Variants in BTBD2 observed in about 807,000 individuals in gnomAD.
BTBD2 encodes the protein BTB/POZ domain-containing protein 2.
In BTBD2, 15 loss-of-function variants were observed where a neutral mutation model predicts 44.0. That is an observed-to-expected ratio of 0.34 (90% confidence interval 0.23 to 0.53). BTBD2 has a LOEUF of 0.53. Ranked by LOEUF, BTBD2 falls within the 20% of genes least tolerant of loss-of-function variation. The pLI, the probability that BTBD2 is intolerant of heterozygous loss-of-function variation, is 0.95. For synonymous variants in BTBD2, 443 were observed against 335.9 expected (o/e 1.32, Z -3.49); for missense variants, 657 against 746.4 (o/e 0.88, Z 1.39).
chr19:1,996,855 G>C (rs1488448229), intron 2 of BTBD2, among the ~76,000 whole-genome samples: 1 of 151,648 alleles, frequency 6.6e-6, no homozygotes, highest in Non-Finnish European at 1.5e-5. Flanking sequence ...CTGGGCAACA[G>C]AGCAAGACCA....
intron 1 of BTBD2, among the ~76,000 whole-genome samples, chr19:2,004,177 G>GA (rs2016365113): frequency 7.0e-6 from 1 of 142,540 alleles, no homozygotes; most frequent in Non-Finnish European, 1.5e-5. Context: ...GATGTCTCAT[G>GA]TCCCCTAACA....
rs776156989 is a variant in BTBD2, at chr19:1,990,214, G to C, written c.791-13C>G. The C allele has an allele frequency of 1.9e-6, 3 of 1,581,600 alleles. No homozygotes were observed. The highest frequency in any genetic ancestry group is 2.6e-6 in the Non-Finnish European group (3 of 1,165,214). On this transcript the variant is annotated splice_polypyrimidine_tract_variant and intron_variant, in intron 4 of 8. Transcript: ENST00000255608. ...GCCACCAGCGTGTCTGTGGGGTGGA[G>C]GAAGGGGCTGCGTGAACACGACACC...
chr19:2,004,021 A>C (rs2016363160), intron 1 of BTBD2, among the ~76,000 whole-genome samples: 1 of 152,026 alleles, frequency 6.6e-6, no homozygotes, highest in South Asian at 2.1e-4. Flanking sequence ...ACCGAGATAA[A>C]TGCGTATCTG....
chr19:2,007,615 G>C (rs551322775), intron 1 of BTBD2, among the ~76,000 whole-genome samples: 97 of 152,260 alleles, frequency 6.4e-4, no homozygotes, highest in African/African-American at 2.3e-3. Flanking sequence ...GATAGCCTGA[G>C]GTCAGGAGTT....
chr19:2,015,079 G>C (rs1303097842), intron 1 of BTBD2, among the ~76,000 whole-genome samples: 1 of 150,098 alleles, frequency 6.7e-6, no homozygotes, highest in African/African-American at 2.5e-5. Context: ...GGACAGAGGG[G>C]TGCAGGGCCT....
intron 1 of BTBD2, among the ~76,000 whole-genome samples, chr19:2,006,100 A>T (rs558559355): frequency 6.6e-6 from 1 of 152,174 alleles, no homozygotes; most frequent in Admixed American, 6.5e-5. Flanking sequence ...AAAAAAAAAA[A>T]AAAAATTTAA....
rs1180983790 is a variant in BTBD2, at chr19:2,015,371, G to A, written c.333C>T (p.Phe111=). The A allele has an allele frequency of 1.1e-5, 18 of 1,584,708 alleles. No individual in the cohort carries two copies. The highest frequency in any genetic ancestry group is 1.3e-5 in the Non-Finnish European group (15 of 1,172,878). ...PTVQERFAFL[F]NNEVLCDVHF... Reference sequence around the variant, plus strand: ...GCACGTCGCACAGCACCTCGTTGTTGAAGAGGAAGGCGAAGCGCTCCTGCA... The same window carrying A: ...GCACGTCGCACAGCACCTCGTTGTTAAAGAGGAAGGCGAAGCGCTCCTGCA... Residue 111 remains phenylalanine (F), a synonymous_variant, in exon 1 of 9, where the codon TTC becomes TTT. Coordinates refer to ENST00000255608, the MANE Select transcript of BTBD2 (RefSeq NM_017797.4).
chr19:1,993,803 C>T (rs1201656886), intron 2 of BTBD2, among the ~76,000 whole-genome samples: 1 of 149,960 alleles, frequency 6.7e-6, no homozygotes, highest in Non-Finnish European at 1.5e-5. Flanking sequence ...GCCAGACCAG[C>T]CTGGCCAACA....
intron 1 of BTBD2, among the ~76,000 whole-genome samples, chr19:2,014,941 G>C (rs573230327): frequency 6.6e-6 from 1 of 151,676 alleles, no homozygotes; most frequent in South Asian, 2.1e-4. Flanking sequence ...TGGGGACAGA[G>C]AGGTGCAGAG....
At chr19:2,012,221 C>G (rs781358791) in intron 1 of BTBD2, among the ~76,000 whole-genome samples, 1 of 150,504 alleles carries the variant, frequency 6.6e-6, no homozygotes, top group Non-Finnish European at 1.5e-5. Context: ...GGCGCAATCT[C>G]GGTTCCCTGC....
intron 5 of BTBD2, chr19:1,989,773 C>G (rs564071511): frequency 3.5e-6 from 2 of 577,000 alleles, no homozygotes; most frequent in East Asian, 2.9e-5. Context: ...AACAGCTGGA[C>G]AGACACGAGA....
At chr19:1,999,485 G>A (rs1222495679) in intron 1 of BTBD2, among the ~76,000 whole-genome samples, 1 of 152,164 alleles carries the variant, frequency 6.6e-6, no homozygotes, top group East Asian at 1.9e-4. Context: ...GGGCAACATA[G>A]TGAGACCCCA....
At chr19:2,007,105 C>T (rs2016404965) in intron 1 of BTBD2, among the ~76,000 whole-genome samples, 1 of 152,154 alleles carries the variant, frequency 6.6e-6, no homozygotes, top group Non-Finnish European at 1.5e-5. Context: ...ATCCACCTGC[C>T]TCGGCCTCCC....
intron 1 of BTBD2, among the ~76,000 whole-genome samples, chr19:2,012,311 C>T (rs1175170531): frequency 1.3e-5 from 2 of 150,798 alleles, no homozygotes; most frequent in Non-Finnish European, 2.9e-5. Context: ...CGCCACCACG[C>T]CCGGCTAATT....
chr19:2,011,558 T>C (rs777591422), intron 1 of BTBD2, among the ~76,000 whole-genome samples: 3 of 152,200 alleles, frequency 2.0e-5, no homozygotes, highest in Admixed American at 2.0e-4. Flanking sequence ...GGGGTCGTTC[T>C]GGACCAGGTC....
In BTBD2 at chr19:2,012,908, T is replaced by A. The variant is rs1403306116; in HGVS notation, c.407+2389A>T. Among the ~76,000 whole-genome samples, 4 of 152,148 alleles carry A rather than the reference T, an allele frequency of 2.6e-5. No homozygotes were observed. The East Asian group carries it at 7.7e-4, about 29-fold the overall frequency. Reference sequence around the variant, plus strand: ...CCTGGGATTCTCCAGCTGCACCTGCTGCTGGGTGAGTTCCAGCTGCATCCA... The same window carrying A: ...CCTGGGATTCTCCAGCTGCACCTGCAGCTGGGTGAGTTCCAGCTGCATCCA... On this transcript the variant is annotated intron_variant, in intron 1 of 8. Coordinates refer to ENST00000255608, the MANE Select transcript of BTBD2 (RefSeq NM_017797.4).
chr19:2,000,156 C>A (rs1328493958), intron 1 of BTBD2, among the ~76,000 whole-genome samples: 2 of 152,002 alleles, frequency 1.3e-5, no homozygotes, highest in African/African-American at 4.8e-5. Flanking sequence ...TGGTCCTGGG[C>A]TCCGGGACTG....
In BTBD2 at chr19:2,000,153, G is replaced by A. The variant is rs569928164; in HGVS notation, c.408-2690C>T. Among the ~76,000 whole-genome samples the A allele has an allele frequency of 1.4e-3, 217 of 152,142 alleles. 1 individual carries two copies. Among genetic ancestry groups the A allele is most frequent in the Non-Finnish European group, 2.2e-3 (152 of 67,992 alleles). ...CTCGGACGCCTTGATCCATGGTCCT[G>A]GGCTCCGGGACTGGCAGAGGATGAA... On this transcript the variant is annotated intron_variant, in intron 1 of 8. Transcript: ENST00000255608.
chr19:2,001,557 C>T (rs532464612), intron 1 of BTBD2, among the ~76,000 whole-genome samples: 6 of 152,240 alleles, frequency 3.9e-5, no homozygotes, highest in African/African-American at 1.2e-4. Context: ...CCAATGATTC[C>T]GTGATGTAAT....
Sources: allele counts gnomAD v4.1 joint callset (sites outside exome capture counted in the v4.1 genomes callset), GRCh38; gene constraint gnomAD v4.1.1; transcripts MANE v1.5; gene names NCBI Gene and HGNC (gene_info 2026-07-23, HGNC 2026-07-21).